COL24A1: variants seen among roughly 807,000 people sequenced by gnomAD.
COL24A1 encodes collagen type XXIV alpha 1 chain.
In COL24A1, 224 loss-of-function variants were observed where a neutral mutation model predicts 253.9. The ratio of observed to expected loss-of-function variants is 0.88; its 90% CI spans 0.79 to 0.99. The LOEUF (loss-of-function observed/expected upper bound fraction) is 0.99. COL24A1 is among the 50% of genes least tolerant of loss of function. The probability of loss-of-function intolerance (pLI) is 0.00; values close to 1 mark genes in which losing one functional copy is unlikely to be tolerated. For missense variants in COL24A1, 2,131 were observed against 2,068.5 expected (o/e 1.03, Z -0.59); for synonymous variants, 685 against 673.7 (o/e 1.02, Z -0.26).
At position 85,784,384 on chromosome 1, in the gene COL24A1, A is replaced by G. The variant is rs750724323; in HGVS notation, c.4060-18T>C. On this transcript the variant is annotated intron_variant, in intron 48 of 59. Coordinates refer to ENST00000370571, the MANE Select transcript of COL24A1 (RefSeq NM_152890.7). ...TGTTCACCCTATGGGTAGAACAAAG[A>G]AAAGCGATCTTTACATCAGAACATA... is the stretch of plus-strand genomic sequence containing the variant. 89 of 1,561,440 alleles carry G rather than the reference A, an allele frequency of 5.7e-5. No homozygotes were observed. The highest frequency in any genetic ancestry group is 3.3e-4 in the Middle Eastern group (2 of 5,990).
At chr1:86,078,224 G>T (rs184077020) in intron 7 of COL24A1, among the ~76,000 whole-genome samples, 3 of 152,166 alleles carry the variant, frequency 2.0e-5, no homozygotes, top group Admixed American at 2.0e-4. Flanking sequence ...AATTAATGCT[G>T]AAAAGGCATT....
chr1:85,935,959 G>C lies in COL24A1; in HGVS notation c.2563-24526C>G, dbSNP rs1389719340. Among the ~76,000 whole-genome samples the C allele has an allele frequency of 2.0e-5, 3 of 147,506 alleles. 1 individual carries two copies. Among genetic ancestry groups the C allele is most frequent in the Non-Finnish European group, 4.5e-5 (3 of 66,682 alleles). ...CTATATCCAAAGCCTGATTAAGGCG[G>C]GGTATAAAAGTCTGGCCATTTGGGC... On this transcript the variant is annotated intron_variant, in intron 24 of 59. Transcript: ENST00000370571.
rs1683723893 is a variant in COL24A1, at chr1:85,896,401, T to C, written c.2787A>G (p.Arg929=). The C allele has an allele frequency of 6.2e-7, 1 of 1,612,924 alleles. No individual in the cohort carries two copies. The highest frequency in any genetic ancestry group is 1.3e-5 in the African/African-American group (1 of 74,912). The part of the protein sequence containing the change: ...SQGPKGQRGS[R]GPDGLLGEQG... ...GTTCCCCTAAGAGACCATCTGGTCC[T>C]CTTGATCCCTAGAGGTGAAAAAAAT... Residue 929 remains arginine, a synonymous_variant, in exon 29 of 60, where the codon AGA becomes AGG. Coordinates refer to ENST00000370571, the MANE Select transcript of COL24A1 (RefSeq NM_152890.7).
At chr1:85,875,766 CAG>C (rs1553209798) in intron 33 of COL24A1, among the ~76,000 whole-genome samples, 1 of 136,912 alleles carries the variant, frequency 7.3e-6, no homozygotes. Flanking sequence ...CACACACACA[CAG>C]AGCTTCTTTT....
chr1:85,846,162 G>A (rs966935757), intron 39 of COL24A1, among the ~76,000 whole-genome samples: 1 of 151,628 alleles, frequency 6.6e-6, no homozygotes, highest in Non-Finnish European at 1.5e-5. Context: ...AAATAGAATT[G>A]GAACAACTGT....
chr1:86,136,116 C>T (rs1315879647), intron 2 of COL24A1, among the ~76,000 whole-genome samples: 1 of 152,096 alleles, frequency 6.6e-6, no homozygotes, highest in Non-Finnish European at 1.5e-5. Context: ...CCTCCATATC[C>T]ACTCACATTG....
At position 85,787,725 on chromosome 1, in the gene COL24A1, C is replaced by T. The variant is rs1243309150; in HGVS notation, c.3952-1264G>A. Reference sequence around the variant, plus strand: ...TGATATATATTGCTTTGGGTATATACCCAGTAATGGGATTACTGGGTAAAA... The same window carrying T: ...TGATATATATTGCTTTGGGTATATATCCAGTAATGGGATTACTGGGTAAAA... On this transcript the variant is annotated intron_variant, in intron 47 of 59. Transcript: ENST00000370571. Among the ~76,000 whole-genome samples the T allele has an allele frequency of 6.6e-5, 10 of 152,270 alleles. No homozygotes were observed. The East Asian group carries it at 1.9e-3, about 29-fold the overall frequency.
At chr1:85,862,023 G>A (rs1294163458) in intron 37 of COL24A1, among the ~76,000 whole-genome samples, 2 of 152,048 alleles carry the variant, frequency 1.3e-5, no homozygotes, top group African/African-American at 4.8e-5. Flanking sequence ...CAATGTAATT[G>A]TCCCCTATTC....
chr1:86,023,483 A>G (rs1326722320), intron 14 of COL24A1, among the ~76,000 whole-genome samples: 2 of 152,188 alleles, frequency 1.3e-5, no homozygotes, highest in Non-Finnish European at 2.9e-5. Flanking sequence ...AAATTTGCAG[A>G]ATGAGAAAAT....
At chr1:85,854,969 C>T (rs1038845603) in intron 37 of COL24A1, among the ~76,000 whole-genome samples, 1 of 151,984 alleles carries the variant, frequency 6.6e-6, no homozygotes, top group African/African-American at 2.4e-5. Context: ...CCCAAATATT[C>T]CTAGGTATTT....
At chr1:85,867,587 A>G (rs1679937074) in intron 37 of COL24A1, among the ~76,000 whole-genome samples, 3 of 152,362 alleles carry the variant, frequency 2.0e-5, no homozygotes, top group Admixed American at 2.0e-4. Flanking sequence ...ACAGAAGTAA[A>G]GACAATAACT....
chr1:86,097,058 A>G (rs1314654652), intron 5 of COL24A1, among the ~76,000 whole-genome samples: 2 of 152,190 alleles, frequency 1.3e-5, no homozygotes, highest in Admixed American at 6.5e-5. Flanking sequence ...TTCCTGCATT[A>G]TTTTAACTTT....
intron 2 of COL24A1, among the ~76,000 whole-genome samples, chr1:86,131,932 G>A (rs12117849): frequency 0.16 from 24,073 of 152,136 alleles, 2,000 homozygotes; most frequent in South Asian, 0.24. Flanking sequence ...CTGAGGAATC[G>A]TCACACTGAT....
chr1:86,106,634 G>A (rs941795851), intron 5 of COL24A1, among the ~76,000 whole-genome samples: 9 of 152,114 alleles, frequency 5.9e-5, no homozygotes, highest in Middle Eastern at 6.8e-3. Context: ...TTCCCATCGC[G>A]CTGCAAATAA....
At chr1:85,906,016 A>G (rs925909466) in intron 28 of COL24A1, among the ~76,000 whole-genome samples, 1 of 152,022 alleles carries the variant, frequency 6.6e-6, no homozygotes, top group Non-Finnish European at 1.5e-5. Context: ...GGTACAAATC[A>G]TCTATCATCA....
intron 19 of COL24A1, among the ~76,000 whole-genome samples, chr1:86,008,699 A>T (rs1216640843): frequency 6.6e-6 from 1 of 152,132 alleles, no homozygotes; most frequent in Non-Finnish European, 1.5e-5. Context: ...AAGAACTAAA[A>T]TGATCTCTAT....
intron 32 of COL24A1, among the ~76,000 whole-genome samples, chr1:85,886,001 T>G (rs1049788475): frequency 3.9e-5 from 6 of 152,038 alleles, no homozygotes; most frequent in Non-Finnish European, 5.9e-5. Flanking sequence ...CATTATGATT[T>G]TTAAATCTTT....
At chr1:86,108,341 A>G (rs1705193933) in intron 5 of COL24A1, among the ~76,000 whole-genome samples, 1 of 152,144 alleles carries the variant, frequency 6.6e-6, no homozygotes. Context: ...TTTCTCAAAT[A>G]TTGGCTTCTC....
chr1:85,863,174 G>A (rs1193317308), intron 37 of COL24A1, among the ~76,000 whole-genome samples: 1 of 152,214 alleles, frequency 6.6e-6, no homozygotes, highest in African/African-American at 2.4e-5. Flanking sequence ...TTTGTATGCT[G>A]AGACTTTGCT....
Sources: gnomAD v4.1 joint callset for allele counts (sites outside exome capture counted in the v4.1 genomes callset) on GRCh38, gnomAD v4.1.1 for gene constraint, MANE v1.5 for transcripts, NCBI Gene and HGNC (gene_info 2026-07-23, HGNC 2026-07-21) for gene names.